The following CLEC16A variants were observed in gnomAD, a reference collection of about 807,000 sequenced individuals.
The protein encoded by CLEC16A is C-type lectin domain containing 16A.
CLEC16A carries 51 observed loss-of-function variants against 109.5 expected under a neutral mutation model. That is an observed-to-expected ratio of 0.47 (90% CI 0.37 to 0.59). CLEC16A has a LOEUF of 0.59. Ranked by LOEUF, CLEC16A falls within the 20% of genes least tolerant of loss-of-function variation. CLEC16A has a pLI of 0.00. For missense variants in CLEC16A, 1,339 were observed against 1,394.0 expected (o/e 0.96, Z 0.63); for synonymous variants, 673 against 564.2 (o/e 1.19, Z -2.73).
intron 19 of CLEC16A, among the ~76,000 whole-genome samples, chr16:11,114,848 G>T (rs777557042): frequency 6.6e-6 from 1 of 152,184 alleles, no homozygotes; most frequent in African/African-American, 2.4e-5. Flanking sequence ...TGTAGAAGCC[G>T]CTTCATTTCT....
intron 12 of CLEC16A, among the ~76,000 whole-genome samples, chr16:11,021,925 A>G (rs963235893): frequency 1.3e-5 from 2 of 152,200 alleles, no homozygotes; most frequent in African/African-American, 4.8e-5. Flanking sequence ...ATGGAAGAGA[A>G]ACACCCATGT....
intron 7 of CLEC16A, among the ~76,000 whole-genome samples, chr16:10,976,498 G>C (rs2043037772): frequency 1.3e-5 from 2 of 151,988 alleles, no homozygotes; most frequent in Non-Finnish European, 2.9e-5. Context: ...TGTTAGTGGT[G>C]GGTTTGAGAC....
intron 15 of CLEC16A, 43 bp downstream of exon 15, chr16:11,042,406 G>GGGACAGGA: frequency 6.9e-7 from 1 of 1,451,992 alleles, no homozygotes; most frequent in Non-Finnish European, 9.4e-7. Flanking sequence ...CCAAGGGAGA[G>GGGACAGGA]GGACAGGAGG....
At chr16:11,081,579 C>T (rs2049720671) in intron 19 of CLEC16A, among the ~76,000 whole-genome samples, 1 of 152,262 alleles carries the variant, frequency 6.6e-6, no homozygotes, top group East Asian at 1.9e-4. Flanking sequence ...CACTCCCCTC[C>T]CCACCTAGTC....
At chr16:11,122,175 C>T (rs1205855719) in intron 20 of CLEC16A, among the ~76,000 whole-genome samples, 5 of 152,190 alleles carry the variant, frequency 3.3e-5, no homozygotes, top group African/African-American at 4.8e-5. Flanking sequence ...CTGCTCTCTG[C>T]GAGAACCACC....
At chr16:11,030,501 A>G (rs1597121548) in intron 13 of CLEC16A, among the ~76,000 whole-genome samples, 1 of 152,188 alleles carries the variant, frequency 6.6e-6, no homozygotes. Context: ...CTTAATTTGC[A>G]TATCCCTAAT....
intron 23 of CLEC16A, among the ~76,000 whole-genome samples, chr16:11,172,602 A>C (rs937445498): frequency 6.6e-6 from 1 of 152,214 alleles, no homozygotes; most frequent in Non-Finnish European, 1.5e-5. Flanking sequence ...TTAAAAAACA[A>C]AAACGGCCAA....
At chr16:11,166,276 C>A (rs938927928) in intron 22 of CLEC16A, 112 bp from the exon 23 acceptor site, 13 of 1,212,500 alleles carry the variant, frequency 1.1e-5, no homozygotes, top group Admixed American at 2.8e-5. Context: ...TTCCAGGGAA[C>A]AGAGCAGGAC....
At chr16:10,945,662 A>G (rs2041320104) in intron 1 of CLEC16A, among the ~76,000 whole-genome samples, 1 of 152,134 alleles carries the variant, frequency 6.6e-6, no homozygotes, top group African/African-American at 2.4e-5. Flanking sequence ...GAACATTGTA[A>G]TGGAAATGGA....
At chr16:11,089,080 C>T (rs1276684727) in intron 19 of CLEC16A, among the ~76,000 whole-genome samples, 3 of 152,192 alleles carry the variant, frequency 2.0e-5, no homozygotes, top group Admixed American at 6.5e-5. Context: ...CCAAGCTCTT[C>T]GCACCTGCAC....
intron 10 of CLEC16A, among the ~76,000 whole-genome samples, chr16:11,002,196 A>G (rs1441094800): frequency 6.6e-6 from 1 of 152,222 alleles, no homozygotes; most frequent in Non-Finnish European, 1.5e-5. Context: ...ATGACACAGT[A>G]ATATCTCATG....
Position 10,973,080 on chromosome 16 carries a change from G to A in CLEC16A, c.728+19G>A. 1 of 1,589,930 alleles carries A rather than the reference G, an allele frequency of 6.3e-7. No individual in the cohort carries two copies. Among genetic ancestry groups the A allele is most frequent in the Non-Finnish European group, 8.6e-7 (1 of 1,168,012 alleles). ...ATGAGGAGTAAGTGACACCCCCAGG[G>A]CCACTCAGTAGATAGACAGGGTGGT... On this transcript the variant is annotated intron_variant, in intron 7 of 23. Coordinates refer to ENST00000409790, the MANE Select transcript of CLEC16A (RefSeq NM_015226.3).
In CLEC16A at chr16:11,033,054, C is replaced by T. The variant is rs1021031083; in HGVS notation, c.1538-6700C>T. On this transcript the variant is annotated intron_variant, in intron 13 of 23. Coordinates refer to ENST00000409790, the MANE Select transcript of CLEC16A (RefSeq NM_015226.3). ...TAAGAAGCTGTTGCAGTCATCCAGG[C>T]GAGATAATGTGGATTGGATTAGGCT... 2.6e-5 allele frequency among the ~76,000 whole-genome samples: 4 copies of T among 151,364 alleles called. No homozygotes were observed. The South Asian group carries it at 6.3e-4, about 24-fold the overall frequency.
intron 9 of CLEC16A, among the ~76,000 whole-genome samples, chr16:10,981,067 T>A (rs1406035156): frequency 1.3e-5 from 2 of 152,226 alleles, no homozygotes; most frequent in African/African-American, 4.8e-5. Flanking sequence ...TTACAGTTAC[T>A]CACCCTCCCT....
At chr16:11,164,689 T>A (rs1301820894) in intron 22 of CLEC16A, among the ~76,000 whole-genome samples, 1 of 152,222 alleles carries the variant, frequency 6.6e-6, no homozygotes, top group Non-Finnish European at 1.5e-5. Flanking sequence ...ACTGCTCAAC[T>A]CTGCCGCTGA....
chr16:10,958,421 C>T (rs987596224), intron 2 of CLEC16A, among the ~76,000 whole-genome samples: 1 of 152,110 alleles, frequency 6.6e-6, no homozygotes, highest in Non-Finnish European at 1.5e-5. Flanking sequence ...AGTGACACAC[C>T]CAGAATCAGT....
intron 19 of CLEC16A, among the ~76,000 whole-genome samples, chr16:11,079,973 A>C (rs1014230250): frequency 1.3e-5 from 2 of 152,156 alleles, no homozygotes; most frequent in Non-Finnish European, 2.9e-5. Context: ...CCACTTCCTG[A>C]GGTCTCCCAG....
At chr16:11,027,750 C>T (rs144591370) in intron 13 of CLEC16A, 83,716 of 1,494,086 alleles carry the variant, frequency 0.056, 2,690 homozygotes, top group Non-Finnish European at 0.065. Context: ...TCAGCTCATC[C>T]GCCAGCTGAA....
intron 19 of CLEC16A, among the ~76,000 whole-genome samples, chr16:11,105,726 C>G (rs536606833): frequency 6.6e-6 from 1 of 152,348 alleles, no homozygotes; most frequent in South Asian, 2.1e-4. Flanking sequence ...CAGCTCCCTG[C>G]CTGAAAATGG....
Sources: gnomAD v4.1 joint callset for allele counts (sites outside exome capture counted in the v4.1 genomes callset) on GRCh38, gnomAD v4.1.1 for gene constraint, MANE v1.5 for transcripts, NCBI Gene and HGNC (gene_info 2026-07-23, HGNC 2026-07-21) for gene names.